ILDR2: variants seen among roughly 807,000 people sequenced by gnomAD.
ILDR2 encodes immunoglobulin-like domain-containing receptor 2.
In ILDR2, 25 loss-of-function variants were observed where a neutral mutation model predicts 66.8. That is an observed-to-expected ratio of 0.37 (90% CI 0.27 to 0.52). The LOEUF (loss-of-function observed/expected upper bound fraction) is 0.52, where lower values mean the gene tolerates loss of function less well. Ranked by LOEUF, ILDR2 falls within the 20% of genes least tolerant of loss-of-function variation. ILDR2 has a pLI of 0.88. For missense variants in ILDR2, 827 were observed against 876.8 expected (o/e 0.94, Z 0.72); for synonymous variants, 367 against 357.2 (o/e 1.03, Z -0.31).
chr1:166,940,312 G>T (rs1436428400), intron 3 of ILDR2, among the ~76,000 whole-genome samples: 2 of 152,154 alleles, frequency 1.3e-5, no homozygotes, highest in African/African-American at 4.8e-5. Context: ...ACAAGAGGCT[G>T]GAAGACATAA....
At chr1:166,905,883 C>T (rs545044468), downstream of ILDR2, among the ~76,000 whole-genome samples, 2 of 152,318 alleles carry the variant, frequency 1.3e-5, no homozygotes, top group South Asian at 4.1e-4. Context: ...TTGCCCACGG[C>T]TTATAAGTGA....
At chr1:166,927,443 T>C (rs1010198575) in intron 6 of ILDR2, among the ~76,000 whole-genome samples, 1 of 152,258 alleles carries the variant, frequency 6.6e-6, no homozygotes, top group Non-Finnish European at 1.5e-5. Flanking sequence ...TAACTTCTGC[T>C]TCCTATCTTT....
chr1:166,906,950 C>G (rs1379516072), downstream of ILDR2: 1 of 152,432 alleles, frequency 6.6e-6, no homozygotes, highest in Non-Finnish European at 1.5e-5. Context: ...GGCATGCAGC[C>G]CAGTGCCCCA....
intron 3 of ILDR2, among the ~76,000 whole-genome samples, chr1:166,951,728 A>T (rs1339039747): frequency 6.6e-6 from 1 of 152,236 alleles, no homozygotes; most frequent in Non-Finnish European, 1.5e-5. Context: ...AAATAAAGCC[A>T]GAATCATAGA....
intron 3 of ILDR2, among the ~76,000 whole-genome samples, chr1:166,950,078 C>T (rs1661881051): frequency 6.6e-6 from 1 of 152,170 alleles, no homozygotes; most frequent in Admixed American, 6.5e-5. Flanking sequence ...ATTGAGTTTA[C>T]AAATGAAAAT....
chr1:166,928,203 C>T (rs1660419635), intron 6 of ILDR2, among the ~76,000 whole-genome samples: 2 of 152,316 alleles, frequency 1.3e-5, no homozygotes, highest in South Asian at 4.2e-4. Context: ...ATTTGTTCCT[C>T]AGAACCACCT....
At position 166,908,606 on chromosome 1, in the gene ILDR2, C is replaced by G. The variant is rs1659395662; in HGVS notation, c.*10749G>C. The G allele has an allele frequency of 6.6e-6, 1 of 152,014 alleles. No homozygotes were observed. The highest frequency in any genetic ancestry group is 2.1e-4 in the South Asian group (1 of 4,832). The allele number at this position is 152,014 out of a possible 1,614,324, so 9.4% of individuals were successfully genotyped here. On this transcript the variant is annotated 3_prime_UTR_variant, in exon 10 of 10. Transcript: ENST00000271417. ...TTTTTCTTGAAACTGTCTGGAACCT[C>G]TAACAAAAAAAGTAGAAGGTGAATA... is the stretch of plus-strand genomic sequence containing the variant.
At chr1:166,901,758 T>C (rs1659269792) in intron 2 of ILDR2, among the ~76,000 whole-genome samples, 1 of 152,232 alleles carries the variant, frequency 6.6e-6, no homozygotes, top group Non-Finnish European at 1.5e-5. Flanking sequence ...CCCACAAGGC[T>C]GCTTAGTCTC....
intron 7 of ILDR2, among the ~76,000 whole-genome samples, chr1:166,924,325 A>G (rs577310384): frequency 4.6e-5 from 7 of 152,340 alleles, no homozygotes; most frequent in African/African-American, 1.7e-4. Flanking sequence ...GGCCTTTAAA[A>G]TGCACCAAAT....
chr1:166,907,511 C>A (rs1659369109), downstream of ILDR2, among the ~76,000 whole-genome samples: 1 of 152,260 alleles, frequency 6.6e-6, no homozygotes, highest in East Asian at 1.9e-4. Flanking sequence ...TTTGAGGGAA[C>A]ATCTCTTAAT....
intron 9 of ILDR2, 63 bp downstream of exon 9, chr1:166,920,644 C>T (rs953001675): frequency 1.4e-5 from 19 of 1,337,226 alleles, no homozygotes; most frequent in Non-Finnish European, 1.4e-5. Context: ...AGCGACACTG[C>T]TCGCCCTGCC....
chr1:166,938,846 C>T (rs1021647473), intron 4 of ILDR2, among the ~76,000 whole-genome samples: 6 of 152,180 alleles, frequency 3.9e-5, no homozygotes, highest in Non-Finnish European at 8.8e-5. Flanking sequence ...CCCTCAACTG[C>T]AGACCATAAA....
intron 1 of ILDR2, among the ~76,000 whole-genome samples, chr1:166,963,457 T>C (rs1280035045): frequency 1.3e-5 from 2 of 152,196 alleles, no homozygotes; most frequent in Non-Finnish European, 2.9e-5. Flanking sequence ...GGTTTGAACC[T>C]AGACTGACTG....
intron 1 of ILDR2, among the ~76,000 whole-genome samples, chr1:166,962,967 A>G (rs1004245395): frequency 2.0e-5 from 3 of 152,346 alleles, no homozygotes; most frequent in Non-Finnish European, 2.9e-5. Context: ...TCATCTGCAT[A>G]TTTAACAAAC....
At position 166,917,226 on chromosome 1, in the gene ILDR2, G is replaced by C. The variant is rs1659677860; in HGVS notation, c.*2129C>G. Reference sequence around the variant, plus strand: ...TTCAACTGTTCTCCTGATTTCTCTGGGACTGGCCAAAGCAACACGGAAGTC... The same window carrying C: ...TTCAACTGTTCTCCTGATTTCTCTGCGACTGGCCAAAGCAACACGGAAGTC... On this transcript the variant is annotated 3_prime_UTR_variant, in exon 10 of 10. Transcript: ENST00000271417. 6.6e-6 allele frequency: 1 copy of C among 152,104 alleles called. No individual in the cohort carries two copies. The highest frequency in any genetic ancestry group is 1.5e-5 in the Non-Finnish European group (1 of 68,050). The allele number at this position is 152,104 out of a possible 1,614,324, so 9.4% of individuals were successfully genotyped here.
chr1:166,925,950 C>T (rs1345894223), intron 7 of ILDR2, among the ~76,000 whole-genome samples: 1 of 152,200 alleles, frequency 6.6e-6, no homozygotes, highest in Non-Finnish European at 1.5e-5. Context: ...TACAGGGATC[C>T]ATGACAACAT....
At chr1:166,906,036 AT>A (rs1659337465), downstream of ILDR2, among the ~76,000 whole-genome samples, 1 of 152,200 alleles carries the variant, frequency 6.6e-6, no homozygotes, top group Non-Finnish European at 1.5e-5. Flanking sequence ...GACTGAGATC[AT>A]TTGTACTGGC....
chr1:166,931,596 T>C (rs1442581482), intron 6 of ILDR2, among the ~76,000 whole-genome samples: 1 of 152,146 alleles, frequency 6.6e-6, no homozygotes, highest in East Asian at 1.9e-4. Context: ...AGAGTAGATG[T>C]GGAAGGACCA....
At chr1:166,942,005 C>CT (rs1220753918) in intron 3 of ILDR2, among the ~76,000 whole-genome samples, 1 of 152,188 alleles carries the variant, frequency 6.6e-6, no homozygotes, top group Non-Finnish European at 1.5e-5. Flanking sequence ...CTCAGGGCAA[C>CT]TTTATCATTA....
Sources: gnomAD v4.1 joint callset for allele counts (sites outside exome capture counted in the v4.1 genomes callset) on GRCh38, gnomAD v4.1.1 for gene constraint, MANE v1.5 for transcripts, NCBI Gene and HGNC (gene_info 2026-07-23, HGNC 2026-07-21) for gene names.